PCDHGA2: variants seen among roughly 807,000 people sequenced by gnomAD.
The protein encoded by PCDHGA2 is protocadherin gamma subfamily A, 2.
A neutral mutation model predicts 59.2 loss-of-function variants in PCDHGA2; 40 were observed. That is an observed-to-expected ratio of 0.68 (90% confidence interval 0.52 to 0.88). The LOEUF is 0.88. Ranked by LOEUF, PCDHGA2 falls within the 40% of genes least tolerant of loss-of-function variation. The probability of loss-of-function intolerance (pLI) is 0.00; values close to 1 mark genes in which losing one functional copy is unlikely to be tolerated. For missense variants in PCDHGA2, 1,226 were observed against 1,204.0 expected (o/e 1.02, Z -0.27); for synonymous variants, 560 against 526.0 (o/e 1.06, Z -0.89).
At chr5:141,372,966 C>T (rs1024382365) in intron 1 of PCDHGA2, 3 of 687,330 alleles carry the variant, frequency 4.4e-6, no homozygotes, top group Non-Finnish European at 7.0e-6. Context: ...TGTAGAATTT[C>T]CTGTAGAATA....
chr5:141,407,135 GA>G (rs796659459), intron 1 of PCDHGA2, among the ~76,000 whole-genome samples: 93 of 151,930 alleles, frequency 6.1e-4, no homozygotes, highest in African/African-American at 2.2e-3. Flanking sequence ...TTATTTTTAA[GA>G]AAAAAAAGCT....
intron 1 of PCDHGA2, chr5:141,355,214 C>A (rs1561508091): frequency 6.2e-7 from 1 of 1,601,954 alleles, no homozygotes; most frequent in Admixed American, 1.7e-5. Flanking sequence ...GCGGCGCCTC[C>A]TGCTCGCCCA....
intron 1 of PCDHGA2, chr5:141,375,368 A>G (rs774708513): frequency 1.9e-6 from 3 of 1,613,754 alleles, no homozygotes; most frequent in East Asian, 4.5e-5. Context: ...GGACAAAGGA[A>G]CACCACCTCT....
In PCDHGA2 at chr5:141,339,675, C is replaced by A. The variant is rs754780956; in HGVS notation, c.704C>A (p.Ala235Glu). 4 of 1,614,028 alleles carry A rather than the reference C, an allele frequency of 2.5e-6. No homozygotes were observed. Among genetic ancestry groups the A allele is most frequent in the Admixed American group, 1.7e-5 (1 of 60,000 alleles). The stretch of plus-strand genomic sequence containing the variant: ...CGCATCTGCGTGAAGGTCCTGGATG[C>A]GAACGACAATGCGCCTGTTTTTACA... ...TSRICVKVLD[A>E]NDNAPVFTQP... The change falls in exon 1 of 4, where the codon GCG (alanine) becomes GAG (glutamate). Residue 235 changes from alanine (A) to glutamate (E), a missense_variant. Transcript: ENST00000394576.
intron 1 of PCDHGA2, chr5:141,395,898 GC>G (rs1337402820): frequency 6.6e-6 from 1 of 151,994 alleles, no homozygotes; most frequent in Non-Finnish European, 1.5e-5. Context: ...TGGGCTCCAT[GC>G]CCATGGAGAC....
chr5:141,390,500 C>G (rs2092162714), intron 1 of PCDHGA2: 3 of 614,492 alleles, frequency 4.9e-6, no homozygotes, highest in Non-Finnish European at 8.3e-6. Context: ...TTTAGCCAAG[C>G]TTAGATTTAT....
chr5:141,372,008 C>T, intron 1 of PCDHGA2: 3 of 1,613,290 alleles, frequency 1.9e-6, no homozygotes, highest in African/African-American at 1.3e-5. Flanking sequence ...GCGACCAGGG[C>T]TCGCCTACGC....
intron 1 of PCDHGA2, chr5:141,478,545 A>T: frequency 6.2e-7 from 1 of 1,605,606 alleles, no homozygotes; most frequent in Admixed American, 1.7e-5. Context: ...CCTCCCGGAC[A>T]GGTAAGGTTT....
chr5:141,423,782 C>T (rs1458189260), intron 1 of PCDHGA2: 9 of 1,243,226 alleles, frequency 7.2e-6, no homozygotes, highest in Non-Finnish European at 9.3e-6. Flanking sequence ...ATATTTAGTT[C>T]ATATATATTT....
chr5:141,490,482 G>A lies in PCDHGA2; in HGVS notation c.2425-4325G>A. On this transcript the variant is annotated intron_variant, in intron 1 of 3. Coordinates refer to ENST00000394576, the MANE Select transcript of PCDHGA2 (RefSeq NM_018915.4). The surrounding 1 kb of genome is among the most constrained non-coding windows in gnomAD (Gnocchi z 5.4). ...TGCTAACCAGCCAGCCTTTGGACCG[G>A]GAGGCCACATCCCACTATATCATCG... 2.5e-6 allele frequency: 4 copies of A among 1,614,154 alleles called. No homozygotes were observed. In the South Asian group the frequency reaches 4.4e-5, roughly 18 times the overall value.
At chr5:141,449,055 A>T (rs1056298558) in intron 1 of PCDHGA2, among the ~76,000 whole-genome samples, 1 of 152,188 alleles carries the variant, frequency 6.6e-6, no homozygotes, top group Non-Finnish European at 1.5e-5. Context: ...CTCATAAATG[A>T]GCGCTATTGA....
intron 1 of PCDHGA2, chr5:141,350,571 A>G (rs1488535360): frequency 6.2e-7 from 1 of 1,614,072 alleles, no homozygotes; most frequent in South Asian, 1.1e-5. Context: ...CTAGAATTCG[A>G]AACGGTCGCT....
At chr5:141,479,823 G>A (rs1208437635) in intron 1 of PCDHGA2, among the ~76,000 whole-genome samples, 1 of 152,172 alleles carries the variant, frequency 6.6e-6, no homozygotes, top group Admixed American at 6.5e-5. Context: ...TACTATCCAA[G>A]GCATGGTATC....
chr5:141,362,138 T>A, intron 1 of PCDHGA2: 2 of 1,614,032 alleles, frequency 1.2e-6, no homozygotes, highest in Non-Finnish European at 1.7e-6. Flanking sequence ...GCGGATAGCC[T>A]GCAAGAGGTA....
At chr5:141,420,742 A>G (rs967908996) in intron 1 of PCDHGA2, among the ~76,000 whole-genome samples, 3 of 152,372 alleles carry the variant, frequency 2.0e-5, no homozygotes, top group African/African-American at 7.2e-5. Context: ...AATCAATTGG[A>G]ACCAACTACA....
chr5:141,440,481 T>C (rs1451820594), intron 1 of PCDHGA2: 1 of 152,196 alleles, frequency 6.6e-6, no homozygotes, highest in African/African-American at 2.4e-5. Context: ...GAAAATTCTT[T>C]AAATGTTTTT....
At chr5:141,410,818 T>C (rs567397835) in intron 1 of PCDHGA2, 1 of 556,016 alleles carries the variant, frequency 1.8e-6, no homozygotes, top group African/African-American at 2.1e-5. Context: ...TGTAAAATAA[T>C]GTCACCAGAC....
intron 1 of PCDHGA2, chr5:141,355,798 C>G (rs1255489648): frequency 6.2e-7 from 1 of 1,613,510 alleles, no homozygotes; most frequent in Non-Finnish European, 8.5e-7. Flanking sequence ...GGAACGCGCT[C>G]TAGATCGCGA....
At chr5:141,345,414 A>G in intron 1 of PCDHGA2, 3 of 1,614,088 alleles carry the variant, frequency 1.9e-6, no homozygotes, top group Non-Finnish European at 1.7e-6. Context: ...CTCCGCCTAC[A>G]TTCCAGAAAA....
Sources: allele counts gnomAD v4.1 joint callset (sites outside exome capture counted in the v4.1 genomes callset), GRCh38; gene constraint gnomAD v4.1.1; non-coding constraint Gnocchi (gnomAD v3.1); transcripts MANE v1.5; gene names NCBI Gene and HGNC (gene_info 2026-07-23, HGNC 2026-07-21).